Variants in ARR3 observed in about 807,000 individuals in gnomAD.
The protein encoded by ARR3 is arrestin-C.
Under a neutral mutation model 35.4 loss-of-function variants are expected in ARR3, and 14 were observed. That is an observed-to-expected ratio of 0.40 (90% CI 0.26 to 0.62). The LOEUF is 0.62. Among genes scored for constraint, ARR3 ranks in the 20% least tolerant of loss-of-function variants. The pLI, the probability that ARR3 is intolerant of heterozygous loss-of-function variation, is 0.46. For synonymous variants in ARR3, 97 were observed against 119.1 expected, an observed-to-expected ratio of 0.81 and a Z score of 1.21; for missense variants, 259 against 303.8, an observed-to-expected ratio of 0.85 and a Z score of 1.10.
rs1009799533 is a variant in ARR3 at position 70,269,591 on chromosome X, A to G, written c.9-71A>G. The G allele has an allele frequency of 5.3e-6, 6 of 1,126,917 alleles. No individual in the cohort carries two copies. In the African/African-American group the frequency reaches 1.1e-4, roughly 21 times the overall value. The allele number at this position is 1,126,917 out of a possible 1,213,427, so 92.9% of individuals were successfully genotyped here. On this transcript the variant is annotated intron_variant, in intron 2 of 16. Transcript: ENST00000307959. ...CCTAAGAATATTTCTTTTTCTCCCC[A>G]ATTCCCTTATTTCCTCTTCCCTGCA...
Position 70,278,598 on chromosome X carries a change from G to A in ARR3, c.862G>A (p.Gly288Ser). ...CCAGAAACGGGGCCTGGCACTGGATGGCAAACTTAAGCATGAAGATACCAA... is the reference window on the plus strand; with the variant it reads ...CCAGAAACGGGGCCTGGCACTGGATAGCAAACTTAAGCATGAAGATACCAA... ...SCQKRGLALD[G>S]KLKHEDTNLA... Residue 288 changes from glycine (G) to serine (S), a missense_variant, in exon 12 of 17, where the codon GGC becomes AGC. Transcript: ENST00000307959. 8.3e-7 allele frequency: 1 copy of A among 1,211,778 alleles called. No individual in the cohort carries two copies. Among genetic ancestry groups the A allele is most frequent in the Non-Finnish European group, 1.1e-6 (1 of 895,462 alleles).
intron 11 of ARR3, 77 bp from the exon 12 acceptor site, chrX:70,278,427 A>G: frequency 9.0e-7 from 1 of 1,108,584 alleles, no homozygotes; most frequent in Non-Finnish European, 1.2e-6. Context: ...ATAATCTTGT[A>G]CAAGATACTC....
chrX:70,274,087 C>T (rs2147639604), intron 5 of ARR3, among the ~76,000 whole-genome samples: 1 of 110,435 alleles, frequency 9.1e-6, no homozygotes, highest in East Asian at 2.8e-4. Context: ...ACTTCTACTC[C>T]ATATTTATGT....
rs1433829894 is a variant in ARR3 at position 70,278,592 on chromosome X, C to T, written c.856C>T (p.Leu286=). The change falls in exon 12 of 17, where the codon CTG becomes TTG. Residue 286 remains leucine (L), a synonymous_variant. Coordinates refer to ENST00000307959, the MANE Select transcript of ARR3 (RefSeq NM_004312.3). ...CAGCTGCCAGAAACGGGGCCTGGCA[C>T]TGGATGGCAAACTTAAGCATGAAGA... is the stretch of plus-strand genomic sequence containing the variant. ...AASCQKRGLA[L]DGKLKHEDTN... 4 of 1,210,349 alleles carry T rather than the reference C, an allele frequency of 3.3e-6. No individual in the cohort carries two copies. Among genetic ancestry groups the T allele is most frequent in the South Asian group, 1.8e-5 (1 of 56,808 alleles).
intron 5 of ARR3, among the ~76,000 whole-genome samples, chrX:70,274,439 G>A (rs923748655): frequency 1.8e-5 from 2 of 111,462 alleles, no homozygotes; most frequent in African/African-American, 6.5e-5. Context: ...GTCCTCAAGC[G>A]ATCTGTCCAC....
intron 12 of ARR3, 133 bp from the exon 13 acceptor site, chrX:70,280,062 A>C (rs1043350642): frequency 3.0e-5 from 17 of 565,250 alleles, no homozygotes; most frequent in Non-Finnish European, 4.9e-5. Context: ...GAAAGGTTAG[A>C]GCCTGGGAGA....
chrX:70,269,882 G>C lies in ARR3; in HGVS notation c.79G>C (p.Val27Leu), dbSNP rs2085623189. Residue 27 changes from valine (V) to leucine (L), a missense_variant, in exon 4 of 17, where the codon GTG (valine) becomes CTG (leucine). Transcript: ENST00000307959. ...YLGKRDFVDH[V>L]DTVEPIDGVV... Reference sequence around the variant, plus strand: ...GGGGAAACGGGACTTCGTGGACCATGTGGACACGGTGGAACCCATTGGTCA... The same window carrying C: ...GGGGAAACGGGACTTCGTGGACCATCTGGACACGGTGGAACCCATTGGTCA... 8.3e-7 allele frequency: 1 copy of C among 1,206,887 alleles called. No individual in the cohort carries two copies. The highest frequency in any genetic ancestry group is 1.8e-5 in the African/African-American group (1 of 57,069).
chrX:70,269,505 T>C, intron 2 of ARR3, 112 bp downstream of exon 2: 2 of 977,149 alleles, frequency 2.0e-6, no homozygotes, highest in South Asian at 4.4e-5. Flanking sequence ...TGTCCTTGGA[T>C]TCTACCCCAA....
At chrX:70,281,363 T>C in intron 16 of ARR3, 1 of 449,225 alleles carries the variant, frequency 2.2e-6, no homozygotes, top group Non-Finnish European at 3.8e-6. Flanking sequence ...TTTTTCTTTT[T>C]CCTTTTCCCC....
chrX:70,275,058 C>A (rs1385485761), intron 5 of ARR3, among the ~76,000 whole-genome samples: 1 of 112,449 alleles, frequency 8.9e-6, no homozygotes, highest in Non-Finnish European at 1.9e-5. Flanking sequence ...TATGTTCTGA[C>A]AAACGTTGAT....
rs770979768 is a variant in ARR3, at chrX:70,281,006, G to A, written c.1067-93G>A. On this transcript the variant is annotated intron_variant, in intron 15 of 16. Coordinates refer to ENST00000307959, the MANE Select transcript of ARR3 (RefSeq NM_004312.3). ...TGGAGCAAAGGATTGGGAAGTTGGG[G>A]GGGGGGGAAGTAAAGATACTTCTTC... The A allele has an allele frequency of 5.1e-4, 497 of 968,558 alleles. 7 individuals are homozygous for A. The highest frequency in any genetic ancestry group is 9.1e-4 in the Admixed American group (34 of 37,167). 79.8% of individuals were successfully genotyped at this position (968,558 alleles called of 1,213,427 possible). A position where few individuals can be genotyped will look rare whatever the true frequency, so the allele number is the denominator to read the frequency against.
chrX:70,281,638 G>T, intron 16 of ARR3, 38 bp from the exon 17 acceptor site: 3 of 1,102,872 alleles, frequency 2.7e-6, no homozygotes, highest in African/African-American at 3.6e-5. Flanking sequence ...CCAGAAAGGG[G>T]TTCCTAACCT....
At chrX:70,270,278 A>G in intron 5 of ARR3, 134 bp downstream of exon 5, 1 of 722,408 alleles carries the variant, frequency 1.4e-6, no homozygotes, top group South Asian at 2.8e-5. Flanking sequence ...GACAACTGGG[A>G]ATTCCAGCCC....
chrX:70,279,410 T>C (rs1350258498), intron 12 of ARR3, among the ~76,000 whole-genome samples: 1 of 112,466 alleles, frequency 8.9e-6, no homozygotes, highest in Non-Finnish European at 1.9e-5. Flanking sequence ...ACTGCATTAT[T>C]TTATATGTAA....
chrX:70,269,001 T>C (rs2085618765), intron 1 of ARR3, among the ~76,000 whole-genome samples: 1 of 112,479 alleles, frequency 8.9e-6, no homozygotes, highest in South Asian at 3.7e-4. Flanking sequence ...CACACTTTTC[T>C]GGATGGAAGC....
intron 10 of ARR3, 37 bp from the exon 11 acceptor site, chrX:70,278,029 A>C: frequency 8.4e-7 from 1 of 1,187,170 alleles, no homozygotes. Context: ...AGGATGACTG[A>C]CTGATTATAA....
intron 5 of ARR3, among the ~76,000 whole-genome samples, chrX:70,273,323 G>C (rs935748277): frequency 3.9e-5 from 4 of 101,593 alleles, no homozygotes; most frequent in Non-Finnish European, 7.8e-5. Flanking sequence ...CTGGGTTCAA[G>C]CGATTCTCCT....
At chrX:70,281,363 T>G (rs945705442) in intron 16 of ARR3, 5 of 446,610 alleles carry the variant, frequency 1.1e-5, no homozygotes, top group Non-Finnish European at 1.5e-5. Context: ...TTTTTCTTTT[T>G]CCTTTTCCCC....
At chrX:70,276,389 G>T (rs2085652960) in intron 6 of ARR3, 44 bp from the exon 7 acceptor site, 2 of 1,199,369 alleles carry the variant, frequency 1.7e-6, no homozygotes, top group Non-Finnish European at 2.3e-6. Context: ...GTATTTGTTT[G>T]TATTCTTTTC....
Sources: gnomAD v4.1 joint callset for allele counts (sites outside exome capture counted in the v4.1 genomes callset) on GRCh38, gnomAD v4.1.1 for gene constraint, MANE v1.5 for transcripts, NCBI Gene and HGNC (gene_info 2026-07-23, HGNC 2026-07-21) for gene names.